KCNB2: variants seen among roughly 807,000 people sequenced by gnomAD.
The protein encoded by KCNB2 is delayed rectifier potassium channel protein.
Under a neutral mutation model 61.5 loss-of-function variants are expected in KCNB2, and 15 were observed. The ratio of observed to expected loss-of-function variants is 0.24; its 90% CI spans 0.16 to 0.38. The LOEUF is 0.38. Ranked by LOEUF, KCNB2 falls within the 10% of genes least tolerant of loss-of-function variation. The pLI, the probability that KCNB2 is intolerant of heterozygous loss-of-function variation, is 1.00. For missense variants in KCNB2, 828 were observed against 1,125.2 expected, an observed-to-expected ratio of 0.74 and a Z score of 3.78; for synonymous variants, 457 against 446.0, an observed-to-expected ratio of 1.02 and a Z score of -0.31.
intron 2 of KCNB2, among the ~76,000 whole-genome samples, chr8:72,913,750 A>C (rs1278424505): frequency 6.6e-6 from 1 of 152,236 alleles, no homozygotes; most frequent in Non-Finnish European, 1.5e-5. Flanking sequence ...ACCTGGTCTT[A>C]TCAGATCAGA....
intron 2 of KCNB2, among the ~76,000 whole-genome samples, chr8:72,690,749 T>G (rs1806927518): frequency 6.6e-6 from 1 of 152,236 alleles, no homozygotes; most frequent in African/African-American, 2.4e-5. Flanking sequence ...TACATTATGA[T>G]TATTTCTTTA....
chr8:72,677,091 A>G (rs145493889), intron 2 of KCNB2, among the ~76,000 whole-genome samples: 1 of 102,222 alleles, frequency 9.8e-6, no homozygotes, highest in African/African-American at 4.9e-5. Context: ...TATAAAAAGG[A>G]GAAATTTGGA....
chr8:72,826,669 A>C (rs1188476966), intron 2 of KCNB2, among the ~76,000 whole-genome samples: 2 of 152,232 alleles, frequency 1.3e-5, no homozygotes, highest in Non-Finnish European at 2.9e-5. Context: ...AGTGAGGTTG[A>C]ATGGAGGCGG....
intron 2 of KCNB2, among the ~76,000 whole-genome samples, chr8:72,857,771 A>G (rs1810231730): frequency 6.6e-6 from 1 of 152,166 alleles, no homozygotes; most frequent in Non-Finnish European, 1.5e-5. Context: ...AAGGCGATCC[A>G]CTCATCAAAA....
intron 1 of KCNB2, among the ~76,000 whole-genome samples, 167 bp downstream of exon 1, chr8:72,538,052 C>A (rs1806140954): frequency 1.3e-5 from 2 of 152,044 alleles, no homozygotes; most frequent in Admixed American, 1.3e-4. Flanking sequence ...TTTTTAATGT[C>A]AGGCTCCTTC....
chr8:72,884,768 C>T (rs1305698650), intron 2 of KCNB2, among the ~76,000 whole-genome samples: 2 of 152,060 alleles, frequency 1.3e-5, no homozygotes, highest in Non-Finnish European at 2.9e-5. Flanking sequence ...CTGTTTCATT[C>T]GTCCTTTTTA....
At chr8:72,579,112 G>T (rs1806849298) in intron 2 of KCNB2, among the ~76,000 whole-genome samples, 1 of 152,134 alleles carries the variant, frequency 6.6e-6, no homozygotes, top group Non-Finnish European at 1.5e-5. Flanking sequence ...TTCTGCCTGA[G>T]GAGGTTCTGT....
rs1189336093 is a variant in KCNB2 at position 72,561,727 on chromosome 8, A to ATATGTGTG, written c.-93-5914_-93-5913insATGTGTGT. Among the ~76,000 whole-genome samples the ATATGTGTG allele has an allele frequency of 1.4e-4, 5 of 35,280 alleles. 1 individual carries two copies. The highest frequency in any genetic ancestry group is 2.3e-4 in the African/African-American group (3 of 13,214). The allele number at this position is 35,280 out of a possible 152,430, so 23.1% of individuals were successfully genotyped here. ...TATATATATATATATATATATATATATCTATATCTATATATATATGTATAT... is the reference window on the plus strand; with the variant it reads ...TATATATATATATATATATATATATATATGTGTGTCTATATCTATATATATATGTATAT... On this transcript the variant is annotated intron_variant, in intron 1 of 2. Coordinates refer to ENST00000523207, the MANE Select transcript of KCNB2 (RefSeq NM_004770.3).
chr8:72,561,784 T>TACAC (rs1806537873), intron 1 of KCNB2, among the ~76,000 whole-genome samples: 2 of 73,864 alleles, frequency 2.7e-5, no homozygotes, highest in African/African-American at 1.9e-4. Flanking sequence ...TATGGATATA[T>TACAC]ATATACATAT....
At chr8:72,725,541 GTGTGTATATATATATGTATATATGTA>G (rs1807623336) in intron 2 of KCNB2, among the ~76,000 whole-genome samples, 3 of 74,730 alleles carry the variant, frequency 4.0e-5, no homozygotes, top group African/African-American at 1.9e-4. Context: ...ATATATATAT[GTGTGTATATATATATGTATATATGTA>G]TATATATGTA....
At chr8:72,590,451 A>T (rs1807077471) in intron 2 of KCNB2, among the ~76,000 whole-genome samples, 1 of 152,174 alleles carries the variant, frequency 6.6e-6, no homozygotes, top group Non-Finnish European at 1.5e-5. Context: ...TTTTAAAAGA[A>T]AAGCTCATTT....
At chr8:72,665,422 A>G (rs1056246201) in intron 2 of KCNB2, among the ~76,000 whole-genome samples, 1 of 152,194 alleles carries the variant, frequency 6.6e-6, no homozygotes. Flanking sequence ...CAGGCCTGTC[A>G]CAGACCTGCT....
At chr8:72,539,445 A>G (rs1214596884) in intron 1 of KCNB2, among the ~76,000 whole-genome samples, 1 of 152,194 alleles carries the variant, frequency 6.6e-6, no homozygotes, top group Non-Finnish European at 1.5e-5. Context: ...GTTTAGAACA[A>G]TTGTTTATCA....
intron 2 of KCNB2, chr8:72,875,035 A>C (rs950617450): frequency 2.7e-5 from 4 of 150,010 alleles, no homozygotes; most frequent in Non-Finnish European, 5.9e-5. Context: ...ATCCTGGAGA[A>C]TATTTGTCAG....
chr8:72,627,361 T>C (rs1004190566), intron 2 of KCNB2, among the ~76,000 whole-genome samples: 5 of 152,144 alleles, frequency 3.3e-5, no homozygotes, highest in Non-Finnish European at 7.3e-5. Context: ...TCAAATTTGA[T>C]TTTTTTCTGT....
At chr8:72,712,158 C>T (rs1807336353) in intron 2 of KCNB2, among the ~76,000 whole-genome samples, 1 of 152,094 alleles carries the variant, frequency 6.6e-6, no homozygotes, top group Non-Finnish European at 1.5e-5. Context: ...GATATTTTAT[C>T]TTGTAGACTC....
At chr8:72,588,983 A>G (rs1585769552) in intron 2 of KCNB2, among the ~76,000 whole-genome samples, 1 of 152,300 alleles carries the variant, frequency 6.6e-6, no homozygotes, top group South Asian at 2.1e-4. Context: ...GATTGAACTC[A>G]TAGTCTGATA....
At chr8:72,656,733 C>G (rs1377078641) in intron 2 of KCNB2, among the ~76,000 whole-genome samples, 1 of 152,114 alleles carries the variant, frequency 6.6e-6, no homozygotes, top group Non-Finnish European at 1.5e-5. Flanking sequence ...TGCAGACTAT[C>G]TTTTGTATTT....
At chr8:72,724,449 AGGAG>A (rs1356416545) in intron 2 of KCNB2, among the ~76,000 whole-genome samples, 7 of 152,294 alleles carry the variant, frequency 4.6e-5, no homozygotes, top group Non-Finnish European at 8.8e-5. Context: ...TGAGTGTTGG[AGGAG>A]AGCTAGTGCC....
Sources: allele counts gnomAD v4.1 joint callset (sites outside exome capture counted in the v4.1 genomes callset), GRCh38; gene constraint gnomAD v4.1.1; transcripts MANE v1.5; gene names NCBI Gene and HGNC (gene_info 2026-07-23, HGNC 2026-07-21).